The following NKAIN2 variants were observed in gnomAD, a reference collection of about 807,000 sequenced individuals.
NKAIN2 encodes the protein sodium/potassium transporting ATPase interacting 2, also known as sodium/potassium-transporting ATPase subunit beta-1-interacting protein 2.
Under a neutral mutation model 32.6 loss-of-function variants are expected in NKAIN2, and 14 were observed. The ratio of observed to expected loss-of-function variants is 0.43; its 90% CI spans 0.28 to 0.67. The LOEUF (loss-of-function observed/expected upper bound fraction) is 0.67. Ranked by LOEUF, NKAIN2 falls within the 30% of genes least tolerant of loss-of-function variation. The pLI is 0.17. For synonymous variants in NKAIN2, 80 were observed against 87.2 expected, an observed-to-expected ratio of 0.92 and a Z score of 0.46; for missense variants, 198 against 258.3, an observed-to-expected ratio of 0.77 and a Z score of 1.60.
chr6:123,973,871 G>A (rs953236520), intron 1 of NKAIN2, among the ~76,000 whole-genome samples: 1 of 151,950 alleles, frequency 6.6e-6, no homozygotes, highest in Non-Finnish European at 1.5e-5. Context: ...GAAAAATGAA[G>A]GAAAGCTATT....
intron 1 of NKAIN2, among the ~76,000 whole-genome samples, chr6:123,950,264 T>TGC (rs1466662269): frequency 6.6e-6 from 1 of 151,954 alleles, no homozygotes; most frequent in Non-Finnish European, 1.5e-5. Flanking sequence ...TGTGTGTGTG[T>TGC]GCGTGTGTGT....
chr6:124,326,667 C>T (rs2115038876), intron 2 of NKAIN2, among the ~76,000 whole-genome samples: 1 of 152,272 alleles, frequency 6.6e-6, no homozygotes, highest in East Asian at 1.9e-4. Flanking sequence ...AGTGTTCCTT[C>T]AGGGTACTGC....
At chr6:123,953,008 A>T (rs543572938) in intron 1 of NKAIN2, among the ~76,000 whole-genome samples, 1 of 152,090 alleles carries the variant, frequency 6.6e-6, no homozygotes, top group African/African-American at 2.4e-5. Context: ...ACTTCTTTCA[A>T]TATTCTGAAT....
intron 1 of NKAIN2, among the ~76,000 whole-genome samples, chr6:123,895,142 TTC>T (rs1472315363): frequency 1.3e-5 from 2 of 151,528 alleles, no homozygotes; most frequent in African/African-American, 2.4e-5. Flanking sequence ...CTTCCCTTTC[TTC>T]TCTCTTTCCT....
Position 124,162,002 on chromosome 6 carries a change from A to G in NKAIN2, c.55-121003A>G, listed in dbSNP as rs1210014160. Among the ~76,000 whole-genome samples the G allele has an allele frequency of 1.3e-5, 2 of 152,198 alleles. 1 individual carries two copies. Among genetic ancestry groups the G allele is most frequent in the African/African-American group, 4.8e-5 (2 of 41,460 alleles). On this transcript the variant is annotated intron_variant, in intron 1 of 6. Transcript: ENST00000368417. The stretch of plus-strand genomic sequence containing the variant: ...ATGAAAAATAAAATAAGATTATTTG[A>G]AGTTTAACAGGGATTGTAAGTTTGT...
chr6:124,567,705 C>T (rs1230631864), intron 3 of NKAIN2, among the ~76,000 whole-genome samples: 1 of 152,190 alleles, frequency 6.6e-6, no homozygotes, highest in Non-Finnish European at 1.5e-5. Flanking sequence ...GTGATTTAGA[C>T]CAAGGGTCTG....
chr6:124,593,336 CT>C (rs981691495), intron 3 of NKAIN2, among the ~76,000 whole-genome samples: 8 of 152,086 alleles, frequency 5.3e-5, no homozygotes, highest in African/African-American at 1.9e-4. Flanking sequence ...TACCTAAAAA[CT>C]TTTTTTAAAA....
At chr6:124,302,650 T>C (rs2114980016) in intron 2 of NKAIN2, among the ~76,000 whole-genome samples, 1 of 152,294 alleles carries the variant, frequency 6.6e-6, no homozygotes, top group African/African-American at 2.4e-5. Flanking sequence ...AATAATTATC[T>C]GCCATGTTCC....
intron 4 of NKAIN2, among the ~76,000 whole-genome samples, chr6:124,706,982 C>T (rs1450487541): frequency 6.2e-5 from 9 of 145,192 alleles, no homozygotes; most frequent in Admixed American, 6.2e-4. Flanking sequence ...CAATGCTATC[C>T]GTCCCCCCTC....
chr6:124,084,463 T>C (rs2114914318), intron 1 of NKAIN2, among the ~76,000 whole-genome samples: 1 of 152,104 alleles, frequency 6.6e-6, no homozygotes. Context: ...TAAGTACACC[T>C]TGTATGTTCA....
At chr6:124,042,192 C>T (rs910961672) in intron 1 of NKAIN2, among the ~76,000 whole-genome samples, 1 of 152,076 alleles carries the variant, frequency 6.6e-6, no homozygotes, top group Non-Finnish European at 1.5e-5. Context: ...ACTCCACCTG[C>T]CCCTCAAACT....
chr6:124,640,359 T>A (rs1783938213), intron 3 of NKAIN2, among the ~76,000 whole-genome samples: 1 of 152,276 alleles, frequency 6.6e-6, no homozygotes, highest in Admixed American at 6.5e-5. Flanking sequence ...GCTTTTAAAA[T>A]TAGTAAAATT....
At chr6:124,686,408 G>C (rs1238203785) in intron 4 of NKAIN2, among the ~76,000 whole-genome samples, 1 of 152,058 alleles carries the variant, frequency 6.6e-6, no homozygotes. Context: ...TTATGATCAT[G>C]GCAGAAGGCA....
In NKAIN2 at chr6:124,236,681, G is replaced by A. The variant is rs183859729; in HGVS notation, c.55-46324G>A. On this transcript the variant is annotated intron_variant, in intron 1 of 6. Transcript: ENST00000368417. ...TCCAGATTCCTTGGTTTTGTCTAAGGCAACTGTATTTTAACAATCTGGTTT... is the reference window on the plus strand; with the variant it reads ...TCCAGATTCCTTGGTTTTGTCTAAGACAACTGTATTTTAACAATCTGGTTT... 3.0e-4 allele frequency among the ~76,000 whole-genome samples: 45 copies of A among 152,218 alleles called. No individual in the cohort carries two copies. The East Asian group carries it at 5.2e-3, about 18-fold the overall frequency.
chr6:124,774,521 G>A (rs1778902459), intron 4 of NKAIN2, among the ~76,000 whole-genome samples: 1 of 152,084 alleles, frequency 6.6e-6, no homozygotes, highest in African/African-American at 2.4e-5. Flanking sequence ...GAGGGGAGAT[G>A]TCTGGTGGGA....
At chr6:124,592,332 A>G (rs1484352875) in intron 3 of NKAIN2, among the ~76,000 whole-genome samples, 3 of 152,184 alleles carry the variant, frequency 2.0e-5, no homozygotes, top group Non-Finnish European at 4.4e-5. Context: ...ACTGGTATCT[A>G]TTACAAGCGA....
At chr6:123,873,708 G>A (rs1198018160) in intron 1 of NKAIN2, among the ~76,000 whole-genome samples, 2 of 152,178 alleles carry the variant, frequency 1.3e-5, no homozygotes, top group African/African-American at 4.8e-5. Flanking sequence ...AGGGACTGAG[G>A]AAAGAGTGAA....
chr6:124,821,305 A>G (rs983792582), intron 6 of NKAIN2, among the ~76,000 whole-genome samples: 8 of 152,060 alleles, frequency 5.3e-5, no homozygotes, highest in Non-Finnish European at 8.8e-5. Flanking sequence ...AAAAAAAAAA[A>G]AAAAGGAGAA....
intron 2 of NKAIN2, among the ~76,000 whole-genome samples, chr6:124,310,357 A>C (rs1017825085): frequency 6.6e-6 from 1 of 152,158 alleles, no homozygotes; most frequent in Non-Finnish European, 1.5e-5. Flanking sequence ...ATTAGTAATA[A>C]GAGATTTTCA....
Sources: allele counts gnomAD v4.1 joint callset (sites outside exome capture counted in the v4.1 genomes callset), GRCh38; gene constraint gnomAD v4.1.1; transcripts MANE v1.5; gene names NCBI Gene and HGNC (gene_info 2026-07-23, HGNC 2026-07-21).